NBEA: variants seen among roughly 807,000 people sequenced by gnomAD.
NBEA encodes the protein neurobeachin, also known as lysosomal-trafficking regulator 2.
A neutral mutation model predicts 343.4 loss-of-function variants in NBEA; 44 were observed. The observed-to-expected ratio is 0.13, with a 90% CI of 0.10 to 0.16. The LOEUF (loss-of-function observed/expected upper bound fraction) is 0.16. Among genes scored for constraint, NBEA ranks in the 10% least tolerant of loss-of-function variants. The pLI is 1.00. For synonymous variants in NBEA, 1,175 were observed against 1,238.7 expected (o/e 0.95, Z 1.08); for missense variants, 2,555 against 3,631.3 (o/e 0.70, Z 7.62).
chr13:35,628,860 A>G (rs2083337285), intron 49 of NBEA, among the ~76,000 whole-genome samples: 1 of 152,184 alleles, frequency 6.6e-6, no homozygotes, highest in African/African-American at 2.4e-5. Flanking sequence ...AGAGGTTGCC[A>G]TGAGCCAAGA....
intron 17 of NBEA, among the ~76,000 whole-genome samples, chr13:35,132,705 G>A (rs1444343472): frequency 6.6e-6 from 1 of 152,146 alleles, no homozygotes; most frequent in Non-Finnish European, 1.5e-5. Context: ...ATGCAAATAA[G>A]TGGTTAAATG....
intron 18 of NBEA, among the ~76,000 whole-genome samples, chr13:35,155,480 C>G (rs1040042700): frequency 6.6e-6 from 1 of 152,000 alleles, no homozygotes; most frequent in Non-Finnish European, 1.5e-5. Context: ...AAAAAATTAG[C>G]CAGGCGTGGT....
intron 1 of NBEA, among the ~76,000 whole-genome samples, chr13:35,038,505 A>T (rs2062532285): frequency 6.6e-6 from 1 of 151,708 alleles, no homozygotes; most frequent in Non-Finnish European, 1.5e-5. Flanking sequence ...TCAGAAACTC[A>T]CCAAGGCCCT....
At chr13:34,970,910 G>A (rs2059977874) in intron 1 of NBEA, among the ~76,000 whole-genome samples, 1 of 152,134 alleles carries the variant, frequency 6.6e-6, no homozygotes, top group Admixed American at 6.5e-5. Context: ...GTTCTGTGAA[G>A]AATGTCAATG....
chr13:34,976,939 T>TC (rs2060197768), intron 1 of NBEA, among the ~76,000 whole-genome samples: 1 of 136,668 alleles, frequency 7.3e-6, no homozygotes, highest in Non-Finnish European at 1.6e-5. Flanking sequence ...TTTTTCTCTC[T>TC]ATTTTTTTTT....
intron 41 of NBEA, among the ~76,000 whole-genome samples, chr13:35,527,008 G>A (rs1049779282): frequency 6.6e-6 from 1 of 151,952 alleles, no homozygotes; most frequent in African/African-American, 2.4e-5. Context: ...TCCCTGAAGG[G>A]CCCCAGCTCT....
At chr13:35,315,274 A>G (rs909776777) in intron 36 of NBEA, among the ~76,000 whole-genome samples, 4 of 152,186 alleles carry the variant, frequency 2.6e-5, no homozygotes, top group Admixed American at 2.6e-4. Flanking sequence ...GGAGAAAGCA[A>G]TTGTGCAGTT....
intron 48 of NBEA, among the ~76,000 whole-genome samples, chr13:35,613,762 A>G (rs1170797152): frequency 6.6e-6 from 1 of 152,092 alleles, no homozygotes; most frequent in Non-Finnish European, 1.5e-5. Flanking sequence ...CTGGGAGCAC[A>G]GGTGCATGCC....
intron 35 of NBEA, among the ~76,000 whole-genome samples, chr13:35,304,185 T>C (rs1331532376): frequency 6.6e-6 from 1 of 152,126 alleles, no homozygotes; most frequent in Non-Finnish European, 1.5e-5. Flanking sequence ...TCTTCCTCTC[T>C]AATAGTGACT....
intron 38 of NBEA, among the ~76,000 whole-genome samples, chr13:35,370,355 C>T (rs940864761): frequency 3.9e-5 from 6 of 151,946 alleles, no homozygotes; most frequent in African/African-American, 1.2e-4. Flanking sequence ...TATGGCTACT[C>T]CTGCTTATTT....
chr13:35,231,590 T>C (rs2074977652), intron 33 of NBEA, among the ~76,000 whole-genome samples: 1 of 152,088 alleles, frequency 6.6e-6, no homozygotes, highest in South Asian at 2.1e-4. Context: ...GTGTTCAAAG[T>C]AGAGCAAAAA....
intron 55 of NBEA, 62 bp downstream of exon 55, chr13:35,655,811 T>C: frequency 6.8e-7 from 1 of 1,465,816 alleles, no homozygotes; most frequent in African/African-American, 1.4e-5. Flanking sequence ...ATTTTGCCTT[T>C]TTGATTTTCC....
chr13:35,087,691 A>T (rs2064845595), intron 10 of NBEA, among the ~76,000 whole-genome samples: 1 of 151,890 alleles, frequency 6.6e-6, no homozygotes, highest in African/African-American at 2.4e-5. Flanking sequence ...TACAGCCCAA[A>T]AGTAGACATT....
At chr13:35,500,784 T>G (rs1448241197) in intron 41 of NBEA, among the ~76,000 whole-genome samples, 1 of 151,846 alleles carries the variant, frequency 6.6e-6, no homozygotes, top group Non-Finnish European at 1.5e-5. Flanking sequence ...GGAAACTAAT[T>G]TTTAGGAGAA....
At chr13:35,140,087 G>C (rs1386581500) in intron 17 of NBEA, among the ~76,000 whole-genome samples, 1 of 152,046 alleles carries the variant, frequency 6.6e-6, no homozygotes, top group African/African-American at 2.4e-5. Flanking sequence ...AGTGGCACAA[G>C]CTCACTGCAG....
At chr13:35,175,441 G>A (rs1321678300) in intron 27 of NBEA, among the ~76,000 whole-genome samples, 1 of 152,118 alleles carries the variant, frequency 6.6e-6, no homozygotes, top group African/African-American at 2.4e-5. Flanking sequence ...CCTTTGAGAT[G>A]TAAGCACTTC....
intron 24 of NBEA, among the ~76,000 whole-genome samples, chr13:35,165,457 A>G (rs563072369): frequency 5.9e-5 from 9 of 152,268 alleles, no homozygotes; most frequent in African/African-American, 1.9e-4. Context: ...AGTCACCAGT[A>G]GGGCCTTAAT....
intron 1 of NBEA, among the ~76,000 whole-genome samples, chr13:35,028,362 A>G (rs905477496): frequency 6.6e-6 from 1 of 151,908 alleles, no homozygotes; most frequent in Non-Finnish European, 1.5e-5. Flanking sequence ...GTTAAGAATG[A>G]TAGTCTTGTA....
At chr13:35,010,955 GA>G (rs1342238604) in intron 1 of NBEA, among the ~76,000 whole-genome samples, 1 of 150,876 alleles carries the variant, frequency 6.6e-6, no homozygotes, top group African/African-American at 2.4e-5. Flanking sequence ...TGGAGCCAAT[GA>G]TTTTTTTTTT....
Sources: allele counts gnomAD v4.1 joint callset (sites outside exome capture counted in the v4.1 genomes callset), GRCh38; gene constraint gnomAD v4.1.1; transcripts MANE v1.5; gene names NCBI Gene and HGNC (gene_info 2026-07-23, HGNC 2026-07-21).